GPHN: variants seen among roughly 807,000 people sequenced by gnomAD.
The protein encoded by GPHN is gephyrin.
In GPHN, 17 loss-of-function variants were observed where a neutral mutation model predicts 95.5. The observed-to-expected ratio is 0.18, with a 90% CI of 0.12 to 0.27. The LOEUF (loss-of-function observed/expected upper bound fraction) is 0.27, where lower values mean the gene tolerates loss of function less well. Ranked by LOEUF, GPHN falls within the 10% of genes least tolerant of loss-of-function variation. The pLI, the probability that GPHN is intolerant of heterozygous loss-of-function variation, is 1.00. For missense variants in GPHN, 660 were observed against 978.1 expected (o/e 0.67, Z 4.34); for synonymous variants, 320 against 322.5 (o/e 0.99, Z 0.08).
chr14:66,695,930 G>GA (rs1471043809), intron 2 of GPHN, among the ~76,000 whole-genome samples: 1 of 152,122 alleles, frequency 6.6e-6, no homozygotes. Flanking sequence ...TACAATGAAG[G>GA]AAACATGTTA....
chr14:67,560,824 G>C, the GPHN span, among the ~76,000 whole-genome samples: 40 of 148,570 alleles, frequency 2.7e-4, 1 homozygote, highest in South Asian at 8.0e-3. Context: ...TCTGCCTCCT[G>C]GGTTCAAGCA....
At chr14:66,666,602 G>C (rs1331360728) in intron 1 of GPHN, among the ~76,000 whole-genome samples, 1 of 151,876 alleles carries the variant, frequency 6.6e-6, no homozygotes, top group East Asian at 1.9e-4. Context: ...GAAAAACTCT[G>C]ACCAAACTAG....
the GPHN span, among the ~76,000 whole-genome samples, chr14:67,560,317 G>A: frequency 6.6e-6 from 1 of 152,114 alleles, no homozygotes; most frequent in Non-Finnish European, 1.5e-5. Flanking sequence ...GGGAACCACC[G>A]TGCCCTGCTA....
the GPHN span, among the ~76,000 whole-genome samples, chr14:67,272,515 G>C: frequency 6.6e-6 from 1 of 152,170 alleles, no homozygotes; most frequent in Admixed American, 6.5e-5. Flanking sequence ...GTAAATGTTA[G>C]CTATAGTTGT....
chr14:67,408,029 T>G, the GPHN span, among the ~76,000 whole-genome samples: 1 of 152,236 alleles, frequency 6.6e-6, no homozygotes, highest in African/African-American at 2.4e-5. Flanking sequence ...GGCTTACACC[T>G]GTAATCCCAG....
the GPHN span, among the ~76,000 whole-genome samples, chr14:67,344,338 C>T: frequency 6.6e-6 from 1 of 152,184 alleles, no homozygotes; most frequent in Non-Finnish European, 1.5e-5. Flanking sequence ...TCACATTTGG[C>T]TTTCAATAAA....
intron 3 of GPHN, among the ~76,000 whole-genome samples, chr14:66,806,977 T>G (rs551722124): frequency 6.6e-6 from 1 of 152,252 alleles, no homozygotes; most frequent in Admixed American, 6.5e-5. Context: ...ATTAGTCTGT[T>G]TTCACACTAT....
chr14:67,508,571 C>G, the GPHN span, among the ~76,000 whole-genome samples: 1 of 151,698 alleles, frequency 6.6e-6, no homozygotes, highest in Non-Finnish European at 1.5e-5. Context: ...CCTCATTCCT[C>G]TTCCATGAAT....
chr14:66,921,733 A>C (rs2066227466), intron 6 of GPHN, among the ~76,000 whole-genome samples: 1 of 152,182 alleles, frequency 6.6e-6, no homozygotes, highest in South Asian at 2.1e-4. Flanking sequence ...ATGGCACCAA[A>C]AAAGAGCCCG....
At chr14:67,319,457 C>T in the GPHN span, among the ~76,000 whole-genome samples, 2 of 152,074 alleles carry the variant, frequency 1.3e-5, no homozygotes, top group Non-Finnish European at 2.9e-5. Context: ...AACATAAATG[C>T]AGAAAGTGGA....
the GPHN span, chr14:67,321,060 C>A: frequency 6.2e-7 from 1 of 1,614,038 alleles, no homozygotes; most frequent in Admixed American, 1.7e-5. Flanking sequence ...TGCCTAGATA[C>A]AACCCGGAGT....
chr14:67,672,045 G>A, the GPHN span, among the ~76,000 whole-genome samples: 37 of 152,062 alleles, frequency 2.4e-4, 1 homozygote, highest in Admixed American at 2.4e-3. Context: ...TCAAAGCAAT[G>A]TTCTTTTGCA....
At chr14:67,246,511 T>A in the GPHN span, among the ~76,000 whole-genome samples, 1 of 152,076 alleles carries the variant, frequency 6.6e-6, no homozygotes, top group Non-Finnish European at 1.5e-5. Context: ...GGCCGATTTT[T>A]AAAATTTTTT....
the GPHN span, among the ~76,000 whole-genome samples, chr14:67,631,434 C>CTTT: frequency 2.1e-4 from 24 of 113,152 alleles, no homozygotes; most frequent in Admixed American, 4.1e-4. Context: ...TTCTTTCTTT[C>CTTT]TTTTTTTTTT....
the GPHN span, among the ~76,000 whole-genome samples, chr14:67,482,229 G>A: frequency 5.5e-4 from 84 of 152,282 alleles, no homozygotes; most frequent in Middle Eastern, 3.4e-3. Flanking sequence ...GCTGCTCTCC[G>A]AGCCTGCTGT....
chr14:67,093,326 G>A (rs2077216388), intron 12 of GPHN, among the ~76,000 whole-genome samples: 1 of 152,070 alleles, frequency 6.6e-6, no homozygotes, highest in Non-Finnish European at 1.5e-5. Context: ...CTCACATACA[G>A]TGGGTTAGAA....
intron 8 of GPHN, among the ~76,000 whole-genome samples, chr14:66,928,985 T>C (rs892780877): frequency 6.6e-6 from 1 of 152,074 alleles, no homozygotes; most frequent in Non-Finnish European, 1.5e-5. Flanking sequence ...TCTGCAGCCA[T>C]TGGATGAAAT....
chr14:67,521,608 A>G, the GPHN span, among the ~76,000 whole-genome samples: 1,289 of 152,332 alleles, frequency 8.5e-3, 27 homozygotes, highest in African/African-American at 0.03. Context: ...TGCAGTATTC[A>G]TGAACACCTT....
At chr14:67,387,783 G>A in the GPHN span, among the ~76,000 whole-genome samples, 8 of 152,152 alleles carry the variant, frequency 5.3e-5, no homozygotes, top group South Asian at 2.1e-4. Flanking sequence ...TATGTTAAAA[G>A]CAAGCATAGA....
Sources: allele counts gnomAD v4.1 joint callset (sites outside exome capture counted in the v4.1 genomes callset), GRCh38; gene constraint gnomAD v4.1.1; transcripts MANE v1.5; gene names NCBI Gene and HGNC (gene_info 2026-07-23, HGNC 2026-07-21).